PELP1: variants seen among roughly 807,000 people sequenced by gnomAD.
PELP1 encodes the protein proline-, glutamic acid- and leucine-rich protein 1.
In PELP1, 32 loss-of-function variants were observed where a neutral mutation model predicts 95.5. The observed-to-expected ratio is 0.34, with a 90% CI of 0.25 to 0.45. The LOEUF is 0.45. PELP1 is among the 20% of genes least tolerant of loss of function. PELP1 has a pLI of 1.00. For synonymous variants in PELP1, 668 were observed against 600.1 expected (o/e 1.11, Z -1.65); for missense variants, 1,358 against 1,444.8 (o/e 0.94, Z 0.97).
rs146596171 is a variant in PELP1 at position 4,678,051 on chromosome 17, T to C, written c.643-1239A>G. On this transcript the variant is annotated intron_variant, in intron 5 of 16. Transcript: ENST00000572293. ...CAACATGGTGAAACCCCATCTCTAC[T>C]AAAAGTACAAAAATTAGCTGGGCAC... Among the ~76,000 whole-genome samples, 1,088 of 150,298 alleles carry C rather than the reference T, an allele frequency of 7.2e-3. 16 individuals carry two copies. The highest frequency in any genetic ancestry group is 0.025 in the African/African-American group (1,038 of 40,970).
Position 4,675,258 on chromosome 17 carries a change from G to A in PELP1, c.1157+16C>T. On this transcript the variant is annotated intron_variant, in intron 10 of 16. Transcript: ENST00000572293. The surrounding 1 kb of genome is among the most constrained non-coding windows in gnomAD (Gnocchi z 4.3). ...ACGCCCTATCCCTTCACCACAGCCA[G>A]CCCAATCCCACTCACGCGAGGATGA... 1 of 1,588,812 alleles carries A rather than the reference G, an allele frequency of 6.3e-7. No homozygotes were observed.
At chr17:4,696,032 GAAAA>G (rs35433764) in intron 1 of PELP1, among the ~76,000 whole-genome samples, 3 of 144,850 alleles carry the variant, frequency 2.1e-5, no homozygotes, top group African/African-American at 7.7e-5. Flanking sequence ...TCCAGGAAAA[GAAAA>G]AAAAAAAAAA....
In PELP1 at chr17:4,673,520, C is replaced by A. The variant is rs569857862; in HGVS notation, c.1639-64G>T. On this transcript the variant is annotated intron_variant, in intron 14 of 16. Transcript: ENST00000572293. This position sits in a 1 kb window ranked among gnomAD's most constrained non-coding sequence, Gnocchi z 5.7. ...CCACCCAACCCTTCTCCAGAGCCTACTCCCAGGTCGGAATGGACCCACCTC... is the reference window on the plus strand; with the variant it reads ...CCACCCAACCCTTCTCCAGAGCCTAATCCCAGGTCGGAATGGACCCACCTC... The A allele has an allele frequency of 1.3e-6, 2 of 1,570,420 alleles. No individual in the cohort carries two copies. The highest frequency in any genetic ancestry group is 4.5e-5 in the East Asian group (2 of 44,560).
At position 4,671,940 on chromosome 17, in the gene PELP1, C is replaced by T. The variant is rs1486576529; in HGVS notation, c.3051G>A (p.Glu1017=). The stretch of plus-strand genomic sequence containing the variant: ...GGGTGGGAGCTGTGTCAGCCCCACG[C>T]TCCTCCTCCGTCCCTGGCTCCTCCA... ...LEVEEPGTEE[E]RGADTAPTLA... Residue 1017 remains glutamate, a synonymous_variant, in exon 16 of 17, where the codon GAG becomes GAA. Coordinates refer to ENST00000572293, the MANE Select transcript of PELP1 (RefSeq NM_014389.3). The T allele has an allele frequency of 2.6e-6, 4 of 1,526,056 alleles. No individual in the cohort carries two copies. In the South Asian group the frequency reaches 5.4e-5, roughly 21 times the overall value. 94.5% of individuals were successfully genotyped at this position (1,526,056 alleles called of 1,614,324 possible).
Position 4,671,690 on chromosome 17 carries a change from C to T in PELP1, c.3300+1G>A, listed in dbSNP as rs1912207393. The T allele has an allele frequency of 6.3e-7, 1 of 1,577,424 alleles. No homozygotes were observed. The highest frequency in any genetic ancestry group is 1.4e-5 in the African/African-American group (1 of 72,676). On this transcript the variant is annotated splice_donor_variant, in intron 16 of 16. Coordinates refer to ENST00000572293, the MANE Select transcript of PELP1 (RefSeq NM_014389.3). LOFTEE classifies it high-confidence loss of function. Reference sequence around the variant, plus strand: ...GGAACCTTCCCTGCCTGGCCTCTCACCTTTTCCTGGAGAGCTTCGGCCTCT... The same window carrying T: ...GGAACCTTCCCTGCCTGGCCTCTCATCTTTTCCTGGAGAGCTTCGGCCTCT...
Position 4,675,450 on chromosome 17 carries a change from G to A in PELP1, c.1069-88C>T. 2 of 860,078 alleles carry A rather than the reference G, an allele frequency of 2.3e-6. No individual in the cohort carries two copies. The highest frequency in any genetic ancestry group is 1.7e-5 in the African/African-American group (1 of 60,142). 53.3% of individuals were successfully genotyped at this position (860,078 alleles called of 1,614,324 possible). A position where few individuals can be genotyped will look rare whatever the true frequency, so the allele number is the denominator to read the frequency against. On this transcript the variant is annotated intron_variant, in intron 9 of 16. Transcript: ENST00000572293. The surrounding 1 kb of genome is among the most constrained non-coding windows in gnomAD (Gnocchi z 4.3). ...AAACAGGGAATGACCATTTACATAT[G>A]TACACATAGGTAAGAAACCCAACCC... is the stretch of plus-strand genomic sequence containing the variant.
At position 4,671,486 on chromosome 17, in the gene PELP1, G is replaced by A. The variant is rs374635953; in HGVS notation, c.3346C>T (p.Pro1116Ser). ...AAMLADFIDC[P>S]PDDEKPPPPT... ...GGTGGTGGCTTCTCATCATCAGGGG[G>A]ACAATCGATGAAGTCGGCCAGCATG... The change falls in exon 17 of 17, where the codon CCC becomes TCC. Residue 1116 changes from proline to serine, a missense_variant. Pro to Ser is a moderately conservative substitution (Grantham distance 74). Coordinates refer to ENST00000572293, the MANE Select transcript of PELP1 (RefSeq NM_014389.3). 3.1e-6 allele frequency: 5 copies of A among 1,611,236 alleles called. No individual in the cohort carries two copies. Among genetic ancestry groups the A allele is most frequent in the Admixed American group, 1.7e-5 (1 of 60,006 alleles).
Position 4,690,944 on chromosome 17 carries a change from C to CT in PELP1, c.363dup (p.Glu122ArgfsTer71). 1 of 1,613,966 alleles carries CT rather than the reference C, an allele frequency of 6.2e-7. No homozygotes were observed. Among genetic ancestry groups the CT allele is most frequent in the Non-Finnish European group, 8.5e-7 (1 of 1,179,834 alleles). ...GACACACAGTGCTGCTGGAATAGCT[C>CT]TGTGGGGCTCTCCCCTACCAGCAGG... On this transcript the variant is annotated frameshift_variant, in exon 3 of 17. Transcript: ENST00000572293. LOFTEE classifies it high-confidence loss of function.
intron 5 of PELP1, among the ~76,000 whole-genome samples, chr17:4,678,980 G>A (rs759673343): frequency 4.6e-5 from 7 of 151,896 alleles, no homozygotes; most frequent in Non-Finnish European, 8.8e-5. Flanking sequence ...GCTGGCAACC[G>A]ACAAAGCCAA....
rs58209716 is a variant in PELP1 at position 4,675,204 on chromosome 17, G to A, written c.1158-9C>T. The A allele has an allele frequency of 1.2e-6, 2 of 1,612,526 alleles. No homozygotes were observed. The highest frequency in any genetic ancestry group is 2.2e-5 in the East Asian group (1 of 44,816). The stretch of plus-strand genomic sequence containing the variant: ...AGAGCCGGCTTCCACACCTGGGGCA[G>A]AGAAGGAATGGTGACCCTCGTTTCT... On this transcript the variant is annotated splice_polypyrimidine_tract_variant and intron_variant, in intron 10 of 16. Transcript: ENST00000572293. This position sits in a 1 kb window ranked among gnomAD's most constrained non-coding sequence, Gnocchi z 4.3.
rs544235361 is a variant in PELP1 at position 4,685,245 on chromosome 17, C to T, written c.421-2293G>A. Among the ~76,000 whole-genome samples the T allele has an allele frequency of 2.0e-5, 3 of 152,262 alleles. No homozygotes were observed. In the South Asian group the frequency reaches 6.2e-4, roughly 32 times the overall value. Reference sequence around the variant, plus strand: ...AATTCTCAGTCTGCGTCTTGTCCCACCTCAGGAGGCACACACGGAAATAAC... The same window carrying T: ...AATTCTCAGTCTGCGTCTTGTCCCATCTCAGGAGGCACACACGGAAATAAC... On this transcript the variant is annotated intron_variant, in intron 3 of 16. Coordinates refer to ENST00000572293, the MANE Select transcript of PELP1 (RefSeq NM_014389.3).
At chr17:4,686,476 C>T (rs973433581) in intron 3 of PELP1, among the ~76,000 whole-genome samples, 1 of 152,156 alleles carries the variant, frequency 6.6e-6, no homozygotes, top group Non-Finnish European at 1.5e-5. Flanking sequence ...CAATCTGTTC[C>T]TTTCTAATCC....
rs988305514 is a variant in PELP1 at position 4,673,771 on chromosome 17, A to G, written c.1583-97T>C. ...GCCCAAAATGGGCATCAACTCTGCC[A>G]CTGCCTATCTTGGCCAAGTCATTTA... On this transcript the variant is annotated intron_variant, in intron 13 of 16. Transcript: ENST00000572293. This position sits in a 1 kb window ranked among gnomAD's most constrained non-coding sequence, Gnocchi z 5.7. 5.1e-6 allele frequency: 5 copies of G among 989,848 alleles called. No individual in the cohort carries two copies. In the African/African-American group the frequency reaches 7.9e-5, roughly 16 times the overall value. 61.3% of individuals were successfully genotyped at this position (989,848 alleles called of 1,614,324 possible).
At position 4,674,860 on chromosome 17, in the gene PELP1, G is replaced by A. The variant is rs1386483950; in HGVS notation, c.1371C>T (p.Ala457=). The A allele has an allele frequency of 6.2e-7, 1 of 1,613,524 alleles. No homozygotes were observed. The highest frequency in any genetic ancestry group is 8.5e-7 in the Non-Finnish European group (1 of 1,179,786). ...TGTCGCTGAGCAGGTGGGTGAGCAG[G>A]GCCTCTCCAGAGGCTCCTCCCTGAA... is the stretch of plus-strand genomic sequence containing the variant. ...GMLQGGASGE[A]LLTHLLSDIS... The change falls in exon 12 of 17, where the codon GCC becomes GCT. Residue 457 remains alanine (A), a synonymous_variant. Transcript: ENST00000572293.
rs1912496593 is a variant in PELP1 at position 4,676,755 on chromosome 17, G to C, written c.700C>G (p.Gln234Glu). The change falls in exon 6 of 17, where the codon CAG becomes GAG. Residue 234 changes from glutamine to glutamate, a missense_variant and splice_region_variant. Coordinates refer to ENST00000572293, the MANE Select transcript of PELP1 (RefSeq NM_014389.3). ...CCCTCTCCCTCCCTGCCCTTTACCT[G>C]TTGGAGCTGAGGGCTCAAGGCATCC... ...RVDALSPQLQQLACECYSRLP... is the reference protein window; with the variant it reads ...RVDALSPQLQELACECYSRLP... 2.6e-6 allele frequency: 4 copies of C among 1,567,974 alleles called. No homozygotes were observed. The highest frequency in any genetic ancestry group is 3.5e-6 in the Non-Finnish European group (4 of 1,155,726).
chr17:4,671,629 C>T, intron 16 of PELP1, 62 bp downstream of exon 16: 1 of 1,600,250 alleles, frequency 6.2e-7, no homozygotes, highest in Admixed American at 1.8e-5. Context: ...AAGCAGCTGC[C>T]ACCCCTTCTC....
At chr17:4,692,810 G>A (rs1913159657) in intron 1 of PELP1, among the ~76,000 whole-genome samples, 1 of 152,034 alleles carries the variant, frequency 6.6e-6, no homozygotes. Context: ...AGGAGTTCGA[G>A]ACCAGCCTGG....
In PELP1 at chr17:4,703,856, G is replaced by A. The variant is rs1330548298; in HGVS notation, c.249+7C>T. ...CAGGGCCGCGGGCACGCGGGCCACG[G>A]ACTCACCTGGGCCCCGCCCACCGAC... On this transcript the variant is annotated splice_region_variant and intron_variant, in intron 1 of 16. Transcript: ENST00000572293. 1 of 1,606,394 alleles carries A rather than the reference G, an allele frequency of 6.2e-7. No individual in the cohort carries two copies. The highest frequency in any genetic ancestry group is 1.7e-5 in the Admixed American group (1 of 59,266).
rs761086600 is a variant in PELP1, at chr17:4,671,483, G to A, written c.3349C>T (p.Pro1117Ser). 6.2e-7 allele frequency: 1 copy of A among 1,610,612 alleles called. No individual in the cohort carries two copies. The highest frequency in any genetic ancestry group is 2.2e-5 in the East Asian group (1 of 44,864). Residue 1117 changes from proline to serine, a missense_variant, in exon 17 of 17, where the codon CCT (proline) becomes TCT (serine). Physicochemically the swap from Pro to Ser is moderately conservative, Grantham distance 74. Coordinates refer to ENST00000572293, the MANE Select transcript of PELP1 (RefSeq NM_014389.3). ...AMLADFIDCPPDDEKPPPPTE... is the reference protein window; with the variant it reads ...AMLADFIDCPSDDEKPPPPTE... ...GGAGGTGGTGGCTTCTCATCATCAG[G>A]GGGACAATCGATGAAGTCGGCCAGC...
Sources: allele counts gnomAD v4.1 joint callset (sites outside exome capture counted in the v4.1 genomes callset), GRCh38; gene constraint gnomAD v4.1.1; non-coding constraint Gnocchi (gnomAD v3.1); transcripts MANE v1.5; gene names NCBI Gene and HGNC (gene_info 2026-07-23, HGNC 2026-07-21).